The following MAST4 variants were observed in gnomAD, a reference collection of about 807,000 sequenced individuals.
MAST4 encodes the protein microtubule associated serine/threonine kinase family member 4.
MAST4 carries 89 observed loss-of-function variants against 162.7 expected under a neutral mutation model. That is an observed-to-expected ratio of 0.55 (90% CI 0.46 to 0.65). The LOEUF is 0.65. MAST4 is among the 30% of genes least tolerant of loss of function. MAST4 has a pLI of 0.00. For synonymous variants in MAST4, 1,479 were observed against 1,361.1 expected, an observed-to-expected ratio of 1.09 and a Z score of -1.91; for missense variants, 3,153 against 3,374.0, an observed-to-expected ratio of 0.93 and a Z score of 1.62.
chr5:66,701,063 A>G (rs1749746851), intron 1 of MAST4, among the ~76,000 whole-genome samples: 1 of 152,144 alleles, frequency 6.6e-6, no homozygotes, highest in African/African-American at 2.4e-5. Context: ...ATAATCATTA[A>G]TGTAATTAAG....
intron 4 of MAST4, chr5:67,004,955 T>A: frequency 1.3e-6 from 1 of 743,446 alleles, no homozygotes; most frequent in Non-Finnish European, 2.5e-6. Context: ...ATTTTAGTCA[T>A]ATGGCCTTGA....
At chr5:67,037,501 CA>C in intron 4 of MAST4, among the ~76,000 whole-genome samples, 1 of 151,960 alleles carries the variant, frequency 6.6e-6, no homozygotes, top group African/African-American at 2.4e-5. Flanking sequence ...ACAGAAGAAG[CA>C]AAAAATGAGC....
chr5:66,954,302 A>G (rs573640645), intron 4 of MAST4, among the ~76,000 whole-genome samples: 64 of 152,210 alleles, frequency 4.2e-4, no homozygotes, highest in African/African-American at 1.5e-3. Context: ...ACATGTCCCA[A>G]TTCTCCATTT....
chr5:66,679,633 G>T (rs1038749036), intron 1 of MAST4, among the ~76,000 whole-genome samples: 5 of 151,838 alleles, frequency 3.3e-5, no homozygotes, highest in African/African-American at 1.2e-4. Context: ...AAGTGAACCT[G>T]TCACATGGAA....
chr5:67,137,019 G>T (rs940151053), intron 19 of MAST4, among the ~76,000 whole-genome samples: 6 of 152,162 alleles, frequency 3.9e-5, no homozygotes, highest in Non-Finnish European at 8.8e-5. Flanking sequence ...ACTTGAAACA[G>T]AGGATTCGAT....
At position 67,163,646 on chromosome 5, in the gene MAST4, G is replaced by C. The variant is rs746829118; in HGVS notation, c.4467G>C (p.Leu1489=). ...QSQREAPLQS[L]DENVCDVPPL... is the part of the protein sequence containing the mutation. ...AGCGGGAGGCGCCGCTGCAGAGCCT[G>C]GATGAGAACGTGTGCGACGTGCCGC... is the stretch of plus-strand genomic sequence containing the variant. Residue 1489 remains leucine (L), a synonymous_variant, in exon 29 of 29, where the codon CTG becomes CTC. Transcript: ENST00000403625. The surrounding 1 kb of genome is among the most constrained non-coding windows in gnomAD (Gnocchi z 7.0). 4 of 1,608,038 alleles carry C rather than the reference G, an allele frequency of 2.5e-6. No individual in the cohort carries two copies. The highest frequency in any genetic ancestry group is 3.4e-6 in the Non-Finnish European group (4 of 1,177,872).
intron 4 of MAST4, chr5:66,930,991 CTG>C (rs1742136798): frequency 5.7e-6 from 1 of 176,864 alleles, no homozygotes; most frequent in African/African-American, 2.4e-5. Context: ...TCATGTTTCT[CTG>C]CATCTTTGGA....
intron 3 of MAST4, among the ~76,000 whole-genome samples, chr5:66,824,709 A>G (rs1414640742): frequency 1.3e-5 from 2 of 152,250 alleles, no homozygotes; most frequent in Non-Finnish European, 2.9e-5. Context: ...TTGTTGTGTG[A>G]ACATCATTGA....
chr5:67,141,871 A>G (rs1421103558), intron 19 of MAST4, among the ~76,000 whole-genome samples: 1 of 152,328 alleles, frequency 6.6e-6, no homozygotes, highest in East Asian at 1.9e-4. Flanking sequence ...GGAGGAAGTC[A>G]TGGAAAAAAA....
intron 4 of MAST4, among the ~76,000 whole-genome samples, chr5:67,049,058 T>TATATATATATATATATACAC: frequency 9.4e-6 from 1 of 105,874 alleles, no homozygotes; most frequent in South Asian, 2.9e-4. Context: ...TATATATATA[T>TATATATATATATATATACAC]ACGTATATAT....
intron 3 of MAST4, among the ~76,000 whole-genome samples, chr5:66,890,177 G>T (rs2149941898): frequency 6.6e-6 from 1 of 152,260 alleles, no homozygotes; most frequent in Middle Eastern, 3.4e-3. Flanking sequence ...AGTACAATAT[G>T]ACTGTGGGCT....
intron 23 of MAST4, among the ~76,000 whole-genome samples, chr5:67,146,030 T>C (rs1265245645): frequency 6.6e-6 from 1 of 152,182 alleles, no homozygotes; most frequent in Non-Finnish European, 1.5e-5. Flanking sequence ...CCAGCATGAT[T>C]TAAATTGATA....
At chr5:66,668,575 A>C (rs1747414498) in intron 1 of MAST4, among the ~76,000 whole-genome samples, 1 of 152,216 alleles carries the variant, frequency 6.6e-6, no homozygotes, top group African/African-American at 2.4e-5. Context: ...CAAGAGGAAG[A>C]CGACTCTTCT....
chr5:67,078,332 T>TG (rs1242048285), intron 5 of MAST4, among the ~76,000 whole-genome samples: 1 of 127,100 alleles, frequency 7.9e-6, no homozygotes, highest in African/African-American at 3.2e-5. Context: ...TGCCTTGATG[T>TG]GAAAAAAAAA....
chr5:66,606,024 T>C (rs1230660531), intron 1 of MAST4, among the ~76,000 whole-genome samples: 1 of 152,218 alleles, frequency 6.6e-6, no homozygotes, highest in Non-Finnish European at 1.5e-5. Flanking sequence ...TAAAATCATA[T>C]CATTTTATAT....
intron 11 of MAST4, among the ~76,000 whole-genome samples, chr5:67,112,906 A>G (rs1225097458): frequency 6.6e-6 from 1 of 152,166 alleles, no homozygotes; most frequent in Non-Finnish European, 1.5e-5. Context: ...CCTGACAACA[A>G]GCTCTCTTCC....
At chr5:66,813,587 A>G (rs1165636223) in intron 3 of MAST4, among the ~76,000 whole-genome samples, 2 of 152,248 alleles carry the variant, frequency 1.3e-5, no homozygotes, top group Non-Finnish European at 2.9e-5. Flanking sequence ...TCTGAACAGA[A>G]TATCTCTGAG....
At chr5:67,066,480 A>T (rs944251855) in intron 5 of MAST4, among the ~76,000 whole-genome samples, 2 of 151,572 alleles carry the variant, frequency 1.3e-5, no homozygotes, top group Admixed American at 1.3e-4. Context: ...CATAAATATA[A>T]TTTTATGTCT....
chr5:67,066,701 G>A (rs1171365171), intron 5 of MAST4, among the ~76,000 whole-genome samples: 2 of 152,036 alleles, frequency 1.3e-5, no homozygotes, highest in African/African-American at 4.8e-5. Context: ...GAATCTTTGT[G>A]ATCAACTCTG....
Sources: allele counts gnomAD v4.1 joint callset (sites outside exome capture counted in the v4.1 genomes callset), GRCh38; gene constraint gnomAD v4.1.1; non-coding constraint Gnocchi (gnomAD v3.1); transcripts MANE v1.5; gene names NCBI Gene and HGNC (gene_info 2026-07-23, HGNC 2026-07-21).